The following SMG6 variants were observed in gnomAD, a reference collection of about 807,000 sequenced individuals.
SMG6 encodes SMG6 nonsense mediated mRNA decay factor.
Under a neutral mutation model 142.2 loss-of-function variants are expected in SMG6, and 66 were observed. That is an observed-to-expected ratio of 0.46 (90% CI 0.38 to 0.57). The LOEUF is 0.57. Ranked by LOEUF, SMG6 falls within the 20% of genes least tolerant of loss-of-function variation. The probability of loss-of-function intolerance (pLI) is 0.00; values close to 1 mark genes in which losing one functional copy is unlikely to be tolerated. For synonymous variants in SMG6, 779 were observed against 702.4 expected (o/e 1.11, Z -1.72); for missense variants, 1,793 against 1,832.0 (o/e 0.98, Z 0.39).
chr17:2,147,920 C>A, intron 13 of SMG6, among the ~76,000 whole-genome samples: 1 of 152,068 alleles, frequency 6.6e-6, no homozygotes, highest in South Asian at 2.1e-4. Flanking sequence ...TGACCGGGCA[C>A]GGTGCCTCAC....
chr17:2,161,412 A>ATTT (rs200153348), intron 13 of SMG6, among the ~76,000 whole-genome samples: 1 of 143,904 alleles, frequency 6.9e-6, no homozygotes. Flanking sequence ...GCCTTTATTT[A>ATTT]TTTATTTTTT....
intron 8 of SMG6, among the ~76,000 whole-genome samples, chr17:2,254,294 A>C (rs1354505319): frequency 6.6e-6 from 1 of 152,212 alleles, no homozygotes; most frequent in African/African-American, 2.4e-5. Flanking sequence ...ATGGACAACC[A>C]GATAACAGTT....
At chr17:2,118,560 G>A (rs2069580840) in intron 13 of SMG6, among the ~76,000 whole-genome samples, 1 of 150,792 alleles carries the variant, frequency 6.6e-6, no homozygotes. Context: ...TATTTCCAAT[G>A]TCTCATAGAC....
chr17:2,183,818 A>G (rs960157754), intron 12 of SMG6, among the ~76,000 whole-genome samples: 15 of 151,518 alleles, frequency 9.9e-5, no homozygotes, highest in Non-Finnish European at 1.6e-4. Flanking sequence ...AGCAGAGGCA[A>G]AGAGAAAGAC....
At chr17:2,239,265 T>C (rs2073744702) in intron 9 of SMG6, among the ~76,000 whole-genome samples, 1 of 152,240 alleles carries the variant, frequency 6.6e-6, no homozygotes, top group Non-Finnish European at 1.5e-5. Context: ...TACTCTTAGT[T>C]TTAATGTTAT....
At chr17:2,292,785 C>T in intron 5 of SMG6, 86 bp downstream of exon 5, 1 of 1,395,882 alleles carries the variant, frequency 7.2e-7, no homozygotes. Flanking sequence ...GACACCTGTA[C>T]AACACCCACA....
intron 10 of SMG6, among the ~76,000 whole-genome samples, chr17:2,206,023 G>T (rs965041062): frequency 1.3e-5 from 2 of 151,986 alleles, no homozygotes; most frequent in African/African-American, 4.8e-5. Flanking sequence ...TGGCCAGGCT[G>T]GTCTCAAACT....
In SMG6 at chr17:2,299,492, A is replaced by G. The variant is rs1296355349; in HGVS notation, c.1261T>C (p.Ser421Pro). The G allele has an allele frequency of 8.7e-6, 14 of 1,614,044 alleles. No individual in the cohort carries two copies. The highest frequency in any genetic ancestry group is 1.2e-5 in the Non-Finnish European group (14 of 1,180,030). ...LPAHTTLSVN[S>P]AGSPESAPLG... ...GGCGCGGACTCTGGAGAACCTGCTG[A>G]ATTGACAGATAGGGTGGTATGGGCA... Residue 421 changes from serine (S) to proline (P), a missense_variant, in exon 2 of 19, where the codon TCA becomes CCA. Ser to Pro is a moderately conservative substitution (Grantham distance 74). Transcript: ENST00000263073. This position sits in a 1 kb window ranked among gnomAD's most constrained non-coding sequence, Gnocchi z 4.3.
At chr17:2,228,916 C>T (rs776932168) in intron 10 of SMG6, among the ~76,000 whole-genome samples, 3 of 152,114 alleles carry the variant, frequency 2.0e-5, no homozygotes, top group Non-Finnish European at 2.9e-5. Flanking sequence ...TTTATACTCT[C>T]ACACTCCTTT....
chr17:2,139,524 C>A (rs1458268684), intron 13 of SMG6, among the ~76,000 whole-genome samples: 1 of 149,972 alleles, frequency 6.7e-6, no homozygotes, highest in African/African-American at 2.5e-5. Context: ...CGGCATCAAG[C>A]GATTCTCCAG....
intron 13 of SMG6, among the ~76,000 whole-genome samples, chr17:2,145,900 GAGT>G (rs2070654750): frequency 6.6e-6 from 1 of 152,044 alleles, no homozygotes; most frequent in African/African-American, 2.4e-5. Context: ...AACTGTTCCT[GAGT>G]AGATGAATGA....
intron 14 of SMG6, among the ~76,000 whole-genome samples, chr17:2,084,277 G>A (rs903578283): frequency 1.3e-5 from 2 of 152,236 alleles, no homozygotes; most frequent in Non-Finnish European, 2.9e-5. Flanking sequence ...GGCTTGGGTG[G>A]CACTGCTCTG....
intron 16 of SMG6, among the ~76,000 whole-genome samples, chr17:2,067,254 C>A (rs2067978408): frequency 1.3e-5 from 2 of 152,224 alleles, no homozygotes; most frequent in African/African-American, 4.8e-5. Flanking sequence ...CTCCTCAGGG[C>A]CAAGGGCTAC....
At position 2,297,249 on chromosome 17, in the gene SMG6, G is replaced by C; in HGVS notation, c.2145C>G (p.Arg715=). 6.2e-7 allele frequency: 1 copy of C among 1,600,904 alleles called. No individual in the cohort carries two copies. Among genetic ancestry groups the C allele is most frequent in the Non-Finnish European group, 8.5e-7 (1 of 1,175,032 alleles). ...CATAAAGAAGGTAGCTTACTGTCTT[G>C]CGTAATGGCTTGCTGCGAATGGCAA... ...DGLAIRSKPL[R]KTVKYALISA... The change falls in exon 4 of 19, where the codon CGC becomes CGG. Residue 715 remains arginine, a synonymous_variant. Coordinates refer to ENST00000263073, the MANE Select transcript of SMG6 (RefSeq NM_017575.5).
chr17:2,249,105 G>A (rs1378325592), intron 8 of SMG6, among the ~76,000 whole-genome samples: 1 of 151,584 alleles, frequency 6.6e-6, no homozygotes, highest in Non-Finnish European at 1.5e-5. Flanking sequence ...GTGTTAGCCA[G>A]GATGGTCTCA....
intron 13 of SMG6, among the ~76,000 whole-genome samples, chr17:2,152,066 T>C (rs990291092): frequency 6.6e-6 from 1 of 152,194 alleles, no homozygotes; most frequent in Non-Finnish European, 1.5e-5. Context: ...TGGCCTGACC[T>C]CTCGGGTATT....
chr17:2,186,175 T>A (rs1157417110), intron 12 of SMG6, among the ~76,000 whole-genome samples: 1 of 149,950 alleles, frequency 6.7e-6, no homozygotes, highest in African/African-American at 2.5e-5. Flanking sequence ...TGCAGTGAGA[T>A]CGCGTCACTG....
chr17:2,265,961 T>C, intron 8 of SMG6: 1 of 984,492 alleles, frequency 1.0e-6, no homozygotes, highest in Non-Finnish European at 1.2e-6. Context: ...GTTGGGCTTC[T>C]AATCACCTCT....
chr17:2,218,195 T>C (rs1452827199), intron 10 of SMG6, among the ~76,000 whole-genome samples: 2 of 152,184 alleles, frequency 1.3e-5, no homozygotes, highest in Non-Finnish European at 2.9e-5. Flanking sequence ...AAAAGAATGA[T>C]GTGCTTCTCC....
Sources: gnomAD v4.1 joint callset for allele counts (sites outside exome capture counted in the v4.1 genomes callset) on GRCh38, gnomAD v4.1.1 for gene constraint, Gnocchi (gnomAD v3.1) non-coding constraint, MANE v1.5 for transcripts, NCBI Gene and HGNC (gene_info 2026-07-23, HGNC 2026-07-21) for gene names.